Variants in DNAH2 observed in about 807,000 individuals in gnomAD.
DNAH2 encodes dynein axonemal heavy chain 2, also known as axonemal beta dynein heavy chain 2.
Under a neutral mutation model 523.5 loss-of-function variants are expected in DNAH2, and 323 were observed. The observed-to-expected ratio is 0.62, with a 90% CI of 0.56 to 0.68. The LOEUF (loss-of-function observed/expected upper bound fraction) is 0.68. Among genes scored for constraint, DNAH2 ranks in the 30% least tolerant of loss-of-function variants. DNAH2 has a pLI of 0.00. For missense variants in DNAH2, 4,907 were observed against 5,701.5 expected (o/e 0.86, Z 4.49); for synonymous variants, 2,093 against 2,177.4 (o/e 0.96, Z 1.08).
intron 33 of DNAH2, among the ~76,000 whole-genome samples, 161 bp from the exon 34 acceptor site, chr17:7,777,916 A>T (rs1258562846): frequency 1.3e-5 from 2 of 152,122 alleles, no homozygotes; most frequent in African/African-American, 4.8e-5. Context: ...CCCATTTTCC[A>T]TCTTGCCCAT....
intron 8 of DNAH2, among the ~76,000 whole-genome samples, chr17:7,737,584 C>T (rs1328205391): frequency 6.6e-6 from 1 of 152,194 alleles, no homozygotes; most frequent in Non-Finnish European, 1.5e-5. Flanking sequence ...AGCTCTTCTT[C>T]CCATTCCTCA....
chr17:7,785,508 T>G (rs750403636), intron 39 of DNAH2, among the ~76,000 whole-genome samples: 3 of 152,182 alleles, frequency 2.0e-5, no homozygotes, highest in Admixed American at 6.5e-5. Context: ...ACTTCTCAGA[T>G]AGTGGAAGGA....
chr17:7,782,831 G>A (rs868088601), intron 39 of DNAH2, among the ~76,000 whole-genome samples: 3 of 150,668 alleles, frequency 2.0e-5, no homozygotes. Context: ...ACATGGAGGT[G>A]TGCTCCTGTA....
At chr17:7,819,797 AT>A (rs1451410593) in intron 72 of DNAH2, among the ~76,000 whole-genome samples, 2 of 152,128 alleles carry the variant, frequency 1.3e-5, no homozygotes, top group Non-Finnish European at 2.9e-5. Context: ...TGTGGATCAC[AT>A]TTGAGCAGCA....
At position 7,786,035 on chromosome 17, in the gene DNAH2, C is replaced by A; in HGVS notation, c.6130-89C>A. On this transcript the variant is annotated intron_variant, in intron 39 of 85. Coordinates refer to ENST00000572933, the MANE Select transcript of DNAH2 (RefSeq NM_020877.5). The surrounding 1 kb of genome is among the most constrained non-coding windows in gnomAD (Gnocchi z 7.5). ...CTGGTGCCATTTTTAACAGTTTGAA[C>A]GTATTCTCTCTGGCACCGGGGAGAT... The A allele has an allele frequency of 7.3e-7, 1 of 1,373,688 alleles. No individual in the cohort carries two copies. Among genetic ancestry groups the A allele is most frequent in the Non-Finnish European group, 1.0e-6 (1 of 986,886 alleles). The allele number at this position is 1,373,688 out of a possible 1,614,324, so 85.1% of individuals were successfully genotyped here.
Position 7,805,262 on chromosome 17 carries a change from C to T in DNAH2, c.9311C>T (p.Ser3104Phe). 3 of 1,614,190 alleles carry T rather than the reference C, an allele frequency of 1.9e-6. No homozygotes were observed. The highest frequency in any genetic ancestry group is 2.5e-6 in the Non-Finnish European group (3 of 1,180,044). Reference sequence around the variant, plus strand: ...CCCCTTTTCCCCCAGGCCCTGGAGTCTCTGAACAAGAAGGATATAGGAGAG... The same window carrying T: ...CCCCTTTTCCCCCAGGCCCTGGAGTTTCTGAACAAGAAGGATATAGGAGAG... Reference protein sequence around the residue: ...ALEEAMRALESLNKKDIGEIK... With the variant: ...ALEEAMRALEFLNKKDIGEIK... Residue 3104 changes from serine (S) to phenylalanine (F), a missense_variant, in exon 61 of 86, where the codon TCT (serine) becomes TTT (phenylalanine). Around this residue, in one of 3 missense-constraint regions of DNAH2, gnomAD observed 1,851 missense variants for 2,139.4 expected, o/e 0.87. Transcript: ENST00000572933.
chr17:7,768,496 A>G (rs957482294), intron 24 of DNAH2, among the ~76,000 whole-genome samples: 1 of 152,256 alleles, frequency 6.6e-6, no homozygotes, highest in Non-Finnish European at 1.5e-5. Context: ...TACACATTGT[A>G]GAATGGCTAA....
In DNAH2 at chr17:7,763,990, C is replaced by A. The variant is rs79442311; in HGVS notation, c.3138C>A (p.Arg1046=). 1.2e-6 allele frequency: 2 copies of A among 1,614,210 alleles called. No individual in the cohort carries two copies. The highest frequency in any genetic ancestry group is 1.7e-6 in the Non-Finnish European group (2 of 1,180,036). The part of the protein sequence containing the change: ...ATLLREMAAG[R]LLELHTYLKE... ...TGCTCAGGGAGATGGCTGCTGGGCG[C>A]CTCCTGGAGCTGCACACCTACCTGA... The change falls in exon 19 of 86, where the codon CGC becomes CGA. Residue 1046 remains arginine, a synonymous_variant. Transcript: ENST00000572933.
Position 7,786,742 on chromosome 17 carries a change from C to T in DNAH2, c.6466+55C>T, listed in dbSNP as rs916529779. On this transcript the variant is annotated intron_variant, in intron 41 of 85. Transcript: ENST00000572933. This position sits in a 1 kb window ranked among gnomAD's most constrained non-coding sequence, Gnocchi z 7.5. ...CAGACGCCTGAGTCTCCTAAGGGGG[C>T]AGGGAGTCTGGGGATAGGAAGTTCC... is the stretch of plus-strand genomic sequence containing the variant. The T allele has an allele frequency of 8.1e-6, 13 of 1,600,290 alleles. No individual in the cohort carries two copies. The highest frequency in any genetic ancestry group is 5.4e-5 in the African/African-American group (4 of 74,602).
In DNAH2 at chr17:7,740,973, G is replaced by A. The variant is rs755940921; in HGVS notation, c.1670G>A (p.Arg557His). ...KARWVHILRR[R>H]IDRVMTCLAG... is the part of the protein sequence containing the mutation. Reference sequence around the variant, plus strand: ...CGCTGGGTGCACATCCTCCGGCGTCGCATCGACAGAGTCATGACCGTAAGT... The same window carrying A: ...CGCTGGGTGCACATCCTCCGGCGTCACATCGACAGAGTCATGACCGTAAGT... Residue 557 changes from arginine (R) to histidine (H), a missense_variant, in exon 11 of 86, where the codon CGC (arginine) becomes CAC (histidine). This residue lies in a region of DNAH2 where 2,806 missense variants were observed against 3,190.8 expected (regional missense o/e 0.88). Coordinates refer to ENST00000572933, the MANE Select transcript of DNAH2 (RefSeq NM_020877.5). 2 of 1,604,208 alleles carry A rather than the reference G, an allele frequency of 1.2e-6. No individual in the cohort carries two copies. Among genetic ancestry groups the A allele is most frequent in the South Asian group, 1.1e-5 (1 of 90,768 alleles).
Position 7,807,325 on chromosome 17 carries a change from G to C in DNAH2, c.9612+6G>C. On this transcript the variant is annotated splice_donor_region_variant and intron_variant, in intron 62 of 85. Coordinates refer to ENST00000572933, the MANE Select transcript of DNAH2 (RefSeq NM_020877.5). The surrounding 1 kb of genome is among the most constrained non-coding windows in gnomAD (Gnocchi z 5.6). ...TGTGGGTGCGGGCCATGGAGGTAAA[G>C]GCGTCAGGGCTGGGGCGGGGCGGTA... 6.2e-7 allele frequency: 1 copy of C among 1,611,634 alleles called. No individual in the cohort carries two copies. Among genetic ancestry groups the C allele is most frequent in the Non-Finnish European group, 8.5e-7 (1 of 1,179,200 alleles).
intron 70 of DNAH2, 47 bp from the exon 71 acceptor site, chr17:7,818,872 T>C (rs560956038): frequency 4.4e-6 from 7 of 1,606,698 alleles, no homozygotes; most frequent in South Asian, 1.1e-5. Flanking sequence ...CCAGGGAGCC[T>C]GGTCCCGCTA....
At chr17:7,774,997 T>C (rs748986632) in intron 29 of DNAH2, 21 bp downstream of exon 29, 2 of 1,610,312 alleles carry the variant, frequency 1.2e-6, no homozygotes, top group Non-Finnish European at 1.7e-6. Context: ...GTGGCCACAG[T>C]GAGATGCTGG....
chr17:7,749,306 CCCAAAAAAAAAAAAAAA>C (rs1567636670), intron 12 of DNAH2, among the ~76,000 whole-genome samples: 54 of 3,496 alleles, frequency 0.015, 6 homozygotes, highest in African/African-American at 0.017. Context: ...TAAACTCCCC[CCCAAAAAAAAAAAAAAA>C]AAAAAAAAAA....
At position 7,770,946 on chromosome 17, in the gene DNAH2, C is replaced by A. The variant is rs373894026; in HGVS notation, c.4362+13C>A. 1 of 1,610,218 alleles carries A rather than the reference C, an allele frequency of 6.2e-7. No homozygotes were observed. The highest frequency in any genetic ancestry group is 2.2e-5 in the East Asian group (1 of 44,848). On this transcript the variant is annotated intron_variant, in intron 27 of 85. Transcript: ENST00000572933. ...GATGTACTTAGAGGTCAGGACTCAG[C>A]GCCTGAGCTCTTCCTGCTTCCTGCT... is the stretch of plus-strand genomic sequence containing the variant.
At chr17:7,776,751 T>C in intron 31 of DNAH2, 28 bp from the exon 32 acceptor site, 1 of 1,589,752 alleles carries the variant, frequency 6.3e-7, no homozygotes, top group Non-Finnish European at 8.6e-7. Flanking sequence ...GGACAGGGCT[T>C]TGGGACGTGG....
chr17:7,724,700 AGTTT>A (rs945851184), intron 3 of DNAH2, among the ~76,000 whole-genome samples: 10 of 150,882 alleles, frequency 6.6e-5, no homozygotes, highest in South Asian at 2.1e-4. Flanking sequence ...CAGGTTTGTA[AGTTT>A]GTTTGTTTTT....
chr17:7,739,210 A>G lies in DNAH2; in HGVS notation c.1171-523A>G, dbSNP rs371629955. 1.4e-3 allele frequency among the ~76,000 whole-genome samples: 218 copies of G among 152,310 alleles called. 2 individuals are homozygous for G. The highest frequency in any genetic ancestry group is 4.9e-3 in the African/African-American group (203 of 41,564). On this transcript the variant is annotated intron_variant, in intron 8 of 85. Coordinates refer to ENST00000572933, the MANE Select transcript of DNAH2 (RefSeq NM_020877.5). ...CACCTGCGATCAGCAGTTCGAGACC[A>G]GCCTGGCCAACATGGTGAAACCCCG...
intron 12 of DNAH2, among the ~76,000 whole-genome samples, chr17:7,749,929 A>G (rs1172288193): frequency 6.6e-6 from 1 of 152,172 alleles, no homozygotes; most frequent in Non-Finnish European, 1.5e-5. Flanking sequence ...CCCGGGAGGC[A>G]GAGGTTGCAG....
Sources: gnomAD v4.1 joint callset for allele counts (sites outside exome capture counted in the v4.1 genomes callset) on GRCh38, gnomAD v4.1.1 for gene constraint, gnomAD v4.1.1 regional missense constraint, Gnocchi (gnomAD v3.1) non-coding constraint, MANE v1.5 for transcripts, NCBI Gene and HGNC (gene_info 2026-07-23, HGNC 2026-07-21) for gene names.